Variants in MR1 observed in about 807,000 individuals in gnomAD.
The protein encoded by MR1 is major histocompatibility complex class I-related protein 1.
MR1 carries 44 observed loss-of-function variants against 37.8 expected under a neutral mutation model. The observed-to-expected ratio is 1.16, with a 90% confidence interval of 0.91 to 1.50. MR1 has a LOEUF of 1.50. Among genes scored for constraint, MR1 ranks in the 40% most tolerant of loss-of-function variants. The pLI, the probability that MR1 is intolerant of heterozygous loss-of-function variation, is 0.00. For missense variants in MR1, 386 were observed against 419.1 expected (o/e 0.92, Z 0.69); for synonymous variants, 153 against 155.8 (o/e 0.98, Z 0.13).
At chr1:181,040,676 G>A (rs1657508475) in intron 1 of MR1, among the ~76,000 whole-genome samples, 1 of 151,958 alleles carries the variant, frequency 6.6e-6, no homozygotes. Flanking sequence ...GAAAAAGCAA[G>A]TCCAGCCTTT....
intron 4 of MR1, among the ~76,000 whole-genome samples, chr1:181,053,094 A>G (rs1658413475): frequency 6.6e-6 from 1 of 151,770 alleles, no homozygotes; most frequent in African/African-American, 2.4e-5. Context: ...AAAACAAAAA[A>G]ACACAACCCA....
intron 1 of MR1, among the ~76,000 whole-genome samples, chr1:181,048,571 C>T (rs916678016): frequency 6.6e-6 from 1 of 151,950 alleles, no homozygotes; most frequent in Non-Finnish European, 1.5e-5. Flanking sequence ...TGTTTGTGTG[C>T]CTGTGTGTAT....
chr1:181,046,846 G>A (rs1657908508), intron 1 of MR1, among the ~76,000 whole-genome samples: 1 of 151,724 alleles, frequency 6.6e-6, no homozygotes, highest in African/African-American at 2.4e-5. Context: ...AACAACTCCA[G>A]ACGCACCGCC....
At position 181,049,029 on chromosome 1, in the gene MR1, T is replaced by C. The variant is rs749353142; in HGVS notation, c.68-23T>C. 9 of 1,607,600 alleles carry C rather than the reference T, an allele frequency of 5.6e-6. No individual in the cohort carries two copies. In the East Asian group the frequency reaches 1.8e-4, roughly 32 times the overall value. On this transcript the variant is annotated intron_variant, in intron 1 of 5. Coordinates refer to ENST00000367580, the MANE Select transcript of MR1 (RefSeq NM_001385161.1). ...TGGATCATCTGGGACCCTACATGTC[T>C]TCCTTCTTTGCCTCCTTTCCAGGGA...
rs548371399 is a variant in MR1, at chr1:181,055,477, A to G, written c.*212A>G. The G allele has an allele frequency of 1.8e-6, 1 of 568,362 alleles. No individual in the cohort carries two copies. Among genetic ancestry groups the G allele is most frequent in the South Asian group, 2.4e-5 (1 of 41,012 alleles). 35.2% of individuals were successfully genotyped at this position (568,362 alleles called of 1,614,324 possible). Reference sequence around the variant, plus strand: ...GACTGTCAGCTTTCAGTCTCTTTTGATGGACTGTTTTATCAGAGTTGACTT... The same window carrying G: ...GACTGTCAGCTTTCAGTCTCTTTTGGTGGACTGTTTTATCAGAGTTGACTT... On this transcript the variant is annotated 3_prime_UTR_variant, in exon 6 of 6. Coordinates refer to ENST00000367580, the MANE Select transcript of MR1 (RefSeq NM_001385161.1).
chr1:181,053,764 C>G (rs1571401260), intron 5 of MR1, 87 bp downstream of exon 5: 1 of 965,734 alleles, frequency 1.0e-6, no homozygotes, highest in Non-Finnish European at 1.6e-6. Context: ...GCTCCCTCCT[C>G]CATTCAGAAA....
At chr1:181,041,343 T>G (rs1236606195) in intron 1 of MR1, among the ~76,000 whole-genome samples, 1 of 152,086 alleles carries the variant, frequency 6.6e-6, no homozygotes, top group Non-Finnish European at 1.5e-5. Context: ...ATACTGGAGG[T>G]TTTTTTGCTT....
intron 1 of MR1, among the ~76,000 whole-genome samples, chr1:181,035,888 A>T (rs7535177): frequency 6.6e-6 from 1 of 151,974 alleles, no homozygotes; most frequent in African/African-American, 2.4e-5. Flanking sequence ...TAAGTTATAA[A>T]GGCAAGGGAA....
intron 3 of MR1, chr1:181,051,304 T>C (rs902333941): frequency 6.6e-6 from 1 of 150,848 alleles, no homozygotes; most frequent in Non-Finnish European, 1.5e-5. Flanking sequence ...TAGAAAAGGA[T>C]CTTGGATTAA....
chr1:181,041,532 A>G (rs1433651367), intron 1 of MR1, among the ~76,000 whole-genome samples: 2 of 152,094 alleles, frequency 1.3e-5, no homozygotes, highest in East Asian at 3.8e-4. Context: ...ATTTTTTCCC[A>G]TGAAAAACTA....
In MR1 at chr1:181,053,613, G is replaced by T. The variant is rs746131097; in HGVS notation, c.921G>T (p.Gly307=). The change falls in exon 5 of 6, where the codon GGG becomes GGT. Residue 307 remains glycine, a synonymous_variant. Coordinates refer to ENST00000367580, the MANE Select transcript of MR1 (RefSeq NM_001385161.1). ...CTCTTGTGATGAAAGCTGTCTCTGG[G>T]TCCATTGTCCTTGTCATTGTGCTGG... is the stretch of plus-strand genomic sequence containing the variant. ...TIPLVMKAVS[G]SIVLVIVLAG... 3 of 1,613,838 alleles carry T rather than the reference G, an allele frequency of 1.9e-6. No homozygotes were observed. The highest frequency in any genetic ancestry group is 2.5e-6 in the Non-Finnish European group (3 of 1,179,886).
chr1:181,055,056 T>C (rs538232282), intron 5 of MR1, among the ~76,000 whole-genome samples, 169 bp from the exon 6 acceptor site: 9 of 152,346 alleles, frequency 5.9e-5, no homozygotes, highest in African/African-American at 2.2e-4. Context: ...TTTTATCTTA[T>C]AGAGTTTACA....
In MR1 at chr1:181,056,330, C is replaced by T. The variant is rs1174637976; in HGVS notation, c.*1065C>T. 1 of 151,530 alleles carries T rather than the reference C, an allele frequency of 6.6e-6. No individual in the cohort carries two copies. The highest frequency in any genetic ancestry group is 2.4e-5 in the African/African-American group (1 of 41,288). The allele number at this position is 151,530 out of a possible 1,614,324, so 9.4% of individuals were successfully genotyped here. On this transcript the variant is annotated 3_prime_UTR_variant, in exon 6 of 6. Coordinates refer to ENST00000367580, the MANE Select transcript of MR1 (RefSeq NM_001385161.1). ...AGTGAGCCGAGATCACGCCACTGCACTCCAGCCTGGCGACAGAGTGAGACT... is the reference window on the plus strand; with the variant it reads ...AGTGAGCCGAGATCACGCCACTGCATTCCAGCCTGGCGACAGAGTGAGACT...
At chr1:181,044,605 A>C (rs943787257) in intron 1 of MR1, among the ~76,000 whole-genome samples, 10 of 151,914 alleles carry the variant, frequency 6.6e-5, no homozygotes, top group African/African-American at 2.4e-4. Context: ...GGGCCCCTCC[A>C]CTCTAGACCA....
chr1:181,046,871 A>G (rs140790156), intron 1 of MR1, among the ~76,000 whole-genome samples: 3 of 151,942 alleles, frequency 2.0e-5, no homozygotes, highest in African/African-American at 7.3e-5. Context: ...GAGCTGTAAC[A>G]CTCACTGCGA....
At chr1:181,048,996 G>C in intron 1 of MR1, 56 bp from the exon 2 acceptor site, 1 of 1,575,462 alleles carries the variant, frequency 6.3e-7, no homozygotes, top group Admixed American at 1.7e-5. Flanking sequence ...GAATGCAGTT[G>C]AAGGATCTGG....
chr1:181,040,033 C>T (rs1657480917), intron 1 of MR1, among the ~76,000 whole-genome samples: 1 of 152,090 alleles, frequency 6.6e-6, no homozygotes, highest in South Asian at 2.1e-4. Context: ...TATCAAGTAG[C>T]CATTGCACCT....
At chr1:181,043,573 G>A (rs1334010289) in intron 1 of MR1, among the ~76,000 whole-genome samples, 6 of 77,192 alleles carry the variant, frequency 7.8e-5, no homozygotes, top group South Asian at 2.8e-4. Context: ...AAGTGGTGAC[G>A]TGCTTATAAT....
chr1:181,060,409 T>C lies in MR1; in HGVS notation c.*5144T>C, dbSNP rs1483726244. On this transcript the variant is annotated 3_prime_UTR_variant, in exon 6 of 6. Transcript: ENST00000367580. ...GAAACAATTCAACTCCTAACACATCTCTACCCAACCTCTGTAGGTTCCCTC... is the reference window on the plus strand; with the variant it reads ...GAAACAATTCAACTCCTAACACATCCCTACCCAACCTCTGTAGGTTCCCTC... 1 of 152,190 alleles carries C rather than the reference T, an allele frequency of 6.6e-6. No individual in the cohort carries two copies. Among genetic ancestry groups the C allele is most frequent in the Non-Finnish European group, 1.5e-5 (1 of 68,024 alleles). 9.4% of individuals were successfully genotyped at this position (152,190 alleles called of 1,614,324 possible).
Sources: allele counts gnomAD v4.1 joint callset (sites outside exome capture counted in the v4.1 genomes callset), GRCh38; gene constraint gnomAD v4.1.1; transcripts MANE v1.5; gene names NCBI Gene and HGNC (gene_info 2026-07-23, HGNC 2026-07-21).